The following SEC24D variants were observed in gnomAD, a reference collection of about 807,000 sequenced individuals.
SEC24D encodes the protein protein transport protein Sec24D.
A neutral mutation model predicts 116.9 loss-of-function variants in SEC24D; 69 were observed. The ratio of observed to expected loss-of-function variants is 0.59; its 90% CI spans 0.49 to 0.72. SEC24D has a LOEUF of 0.72. Ranked by LOEUF, SEC24D falls within the 30% of genes least tolerant of loss-of-function variation. The probability of loss-of-function intolerance (pLI) is 0.00; values close to 1 mark genes in which losing one functional copy is unlikely to be tolerated. For missense variants in SEC24D, 1,131 were observed against 1,264.1 expected, an observed-to-expected ratio of 0.89 and a Z score of 1.60; for synonymous variants, 405 against 442.8, an observed-to-expected ratio of 0.91 and a Z score of 1.07.
At chr4:118,793,466 C>CAAAAAA (rs70944815) in intron 8 of SEC24D, among the ~76,000 whole-genome samples, 6 of 69,292 alleles carry the variant, frequency 8.7e-5, no homozygotes, top group African/African-American at 1.9e-4. Context: ...GACTCCGTCT[C>CAAAAAA]AAAAAAAAAA....
chr4:118,762,217 C>G (rs1727418092), intron 10 of SEC24D, among the ~76,000 whole-genome samples: 3 of 151,980 alleles, frequency 2.0e-5, no homozygotes. Context: ...AAAGCTGAGG[C>G]CTTTTTTTTT....
At chr4:118,794,227 G>A (rs994910230) in intron 8 of SEC24D, among the ~76,000 whole-genome samples, 1 of 152,036 alleles carries the variant, frequency 6.6e-6, no homozygotes, top group Admixed American at 6.6e-5. Flanking sequence ...GAAATGCCAG[G>A]TTTTATTTTC....
intron 2 of SEC24D, among the ~76,000 whole-genome samples, chr4:118,828,751 CTG>C (rs1730699150): frequency 6.6e-6 from 1 of 152,236 alleles, no homozygotes; most frequent in Non-Finnish European, 1.5e-5. Context: ...GCTTTCTAAA[CTG>C]TACATACATT....
chr4:118,764,018 G>A (rs541014433), intron 10 of SEC24D, among the ~76,000 whole-genome samples: 1 of 152,228 alleles, frequency 6.6e-6, no homozygotes, highest in East Asian at 1.9e-4. Context: ...GCCAGTTGGG[G>A]TATGTAAGAT....
At chr4:118,771,883 A>T (rs1363331059) in intron 8 of SEC24D, among the ~76,000 whole-genome samples, 1 of 152,076 alleles carries the variant, frequency 6.6e-6, no homozygotes, top group Non-Finnish European at 1.5e-5. Flanking sequence ...GGGTAGAAAG[A>T]CAGTAAATAA....
In SEC24D at chr4:118,815,475, C is replaced by A; in HGVS notation, c.649G>T (p.Gly217Cys). 1 of 1,614,154 alleles carries A rather than the reference C, an allele frequency of 6.2e-7. No individual in the cohort carries two copies. Residue 217 changes from glycine (G) to cysteine (C), a missense_variant, in exon 5 of 23, where the codon GGT becomes TGT. Coordinates refer to ENST00000280551, the MANE Select transcript of SEC24D (RefSeq NM_014822.4). Reference protein sequence around the residue: ...QPPPLPGQTLGAGYPPQQANS... With the variant: ...QPPPLPGQTLCAGYPPQQANS... ...CCCTGCTGCGGAGGATATCCAGCACCCAAGGTCTGGCCTGGAAGAGGTGGG... is the reference window on the plus strand; with the variant it reads ...CCCTGCTGCGGAGGATATCCAGCACACAAGGTCTGGCCTGGAAGAGGTGGG...
chr4:118,822,355 A>T (rs1472251851), intron 3 of SEC24D, among the ~76,000 whole-genome samples: 1 of 152,208 alleles, frequency 6.6e-6, no homozygotes, highest in Admixed American at 6.5e-5. Context: ...TGCTGGGCTC[A>T]CAATCACAAA....
At chr4:118,757,360 T>C (rs2110462498) in intron 11 of SEC24D, among the ~76,000 whole-genome samples, 1 of 152,316 alleles carries the variant, frequency 6.6e-6, no homozygotes, top group East Asian at 1.9e-4. Flanking sequence ...CTGTCATCCC[T>C]TCGAACTCTG....
chr4:118,796,708 C>T (rs911082879), intron 8 of SEC24D, among the ~76,000 whole-genome samples: 2 of 152,200 alleles, frequency 1.3e-5, no homozygotes, highest in African/African-American at 4.8e-5. Flanking sequence ...CTCTCCATAC[C>T]AGCTGGTGTG....
intron 2 of SEC24D, among the ~76,000 whole-genome samples, chr4:118,827,334 A>G (rs1730630064): frequency 6.6e-6 from 1 of 152,208 alleles, no homozygotes. Flanking sequence ...TGGCATTTTC[A>G]AAAGTACTCA....
intron 8 of SEC24D, among the ~76,000 whole-genome samples, chr4:118,782,303 A>G (rs1279377424): frequency 2.0e-5 from 3 of 152,266 alleles, no homozygotes; most frequent in South Asian, 2.1e-4. Context: ...TGTTGATGCT[A>G]TTCCTTTCTG....
rs1277871918 is a variant in SEC24D, at chr4:118,815,463, G to C, written c.661C>G (p.Pro221Ala). 6 of 1,614,108 alleles carry C rather than the reference G, an allele frequency of 3.7e-6. No individual in the cohort carries two copies. Among genetic ancestry groups the C allele is most frequent in the Non-Finnish European group, 5.1e-6 (6 of 1,179,996 alleles). The change falls in exon 5 of 23, where the codon CCT (proline) becomes GCT (alanine). Residue 221 changes from proline (P) to alanine (A), a missense_variant. Physicochemically the swap from Pro to Ala is conservative, Grantham distance 27. Coordinates refer to ENST00000280551, the MANE Select transcript of SEC24D (RefSeq NM_014822.4). ...LPGQTLGAGY[P>A]PQQANSGPQM... ...CTGTCCGCCTTACCCTGCTGCGGAG[G>C]ATATCCAGCACCCAAGGTCTGGCCT...
chr4:118,753,617 T>C (rs28609351), intron 11 of SEC24D, among the ~76,000 whole-genome samples: 20 of 152,098 alleles, frequency 1.3e-4, no homozygotes, highest in South Asian at 2.1e-4. Context: ...CCTGTAAGTA[T>C]AAAGGCATGA....
intron 1 of SEC24D, among the ~76,000 whole-genome samples, chr4:118,835,584 C>G (rs975154227): frequency 6.6e-6 from 1 of 152,214 alleles, no homozygotes; most frequent in African/African-American, 2.4e-5. Flanking sequence ...ATATTTCTAA[C>G]ATTTCCTTCC....
At position 118,732,891 on chromosome 4, in the gene SEC24D, T is replaced by C; in HGVS notation, c.2518A>G (p.Lys840Glu). The change falls in exon 20 of 23, where the codon AAA (lysine) becomes GAA (glutamate). Residue 840 changes from lysine (K) to glutamate (E), a missense_variant. Lys to Glu is a moderately conservative substitution (Grantham distance 56, BLOSUM62 1). Transcript: ENST00000280551. ...CAATTCATGTACACTGGCAATACTT[T>C]CATGGAATCTGGTAGAATAAGCTGA... is the stretch of plus-strand genomic sequence containing the variant. ...ASQLILPDSM[K>E]VLPVYMNCLL... is the part of the protein sequence containing the mutation. The C allele has an allele frequency of 6.2e-7, 1 of 1,613,782 alleles. No homozygotes were observed.
chr4:118,828,949 A>C (rs1006675965), intron 2 of SEC24D, among the ~76,000 whole-genome samples: 5 of 152,110 alleles, frequency 3.3e-5, no homozygotes, highest in Non-Finnish European at 7.4e-5. Context: ...AATCCCAGCA[A>C]ACTGCTTCCC....
At chr4:118,784,403 T>C (rs958731497) in intron 8 of SEC24D, among the ~76,000 whole-genome samples, 13 of 152,182 alleles carry the variant, frequency 8.5e-5, no homozygotes, top group African/African-American at 2.9e-4. Flanking sequence ...GTTTGAACTA[T>C]TTAAAGAATT....
At chr4:118,801,132 G>A (rs1410644036) in intron 7 of SEC24D, among the ~76,000 whole-genome samples, 1 of 152,024 alleles carries the variant, frequency 6.6e-6, no homozygotes, top group Non-Finnish European at 1.5e-5. Flanking sequence ...CATGGTGGCG[G>A]GCACCTGTAG....
At chr4:118,760,041 A>G (rs1216317570) in intron 10 of SEC24D, among the ~76,000 whole-genome samples, 1 of 152,216 alleles carries the variant, frequency 6.6e-6, no homozygotes, top group Admixed American at 6.5e-5. Context: ...CACTGTCTCC[A>G]TGGACTTGTC....
Sources: allele counts gnomAD v4.1 joint callset (sites outside exome capture counted in the v4.1 genomes callset), GRCh38; gene constraint gnomAD v4.1.1; transcripts MANE v1.5; gene names NCBI Gene and HGNC (gene_info 2026-07-23, HGNC 2026-07-21).